The following MPP7 variants were observed in gnomAD, a reference collection of about 807,000 sequenced individuals.
MPP7 encodes the protein MAGUK p55 scaffold protein 7, also known as MAGUK p55 subfamily member 7.
MPP7 carries 60 observed loss-of-function variants against 76.5 expected under a neutral mutation model. That is an observed-to-expected ratio of 0.78 (90% CI 0.64 to 0.97). The LOEUF (loss-of-function observed/expected upper bound fraction) is 0.97, where lower values mean the gene tolerates loss of function less well. MPP7 is among the 50% of genes least tolerant of loss of function. The probability of loss-of-function intolerance (pLI) is 0.00; values close to 1 mark genes in which losing one functional copy is unlikely to be tolerated. For missense variants in MPP7, 641 were observed against 694.0 expected, an observed-to-expected ratio of 0.92 and a Z score of 0.86; for synonymous variants, 237 against 244.5, an observed-to-expected ratio of 0.97 and a Z score of 0.29.
intron 15 of MPP7, chr10:28,057,979 G>T: frequency 4.0e-6 from 3 of 755,974 alleles, no homozygotes; most frequent in Non-Finnish European, 5.3e-6. Context: ...CAGGATGACA[G>T]GTGCAGACAT....
chr10:28,071,353 T>C (rs926935593), intron 12 of MPP7, among the ~76,000 whole-genome samples: 2 of 152,166 alleles, frequency 1.3e-5, no homozygotes, highest in African/African-American at 4.8e-5. Context: ...TTGGGGACTG[T>C]GCTGTTCTTG....
At chr10:28,155,609 A>AAAAAAAAAAAAG in intron 3 of MPP7, among the ~76,000 whole-genome samples, 1 of 137,138 alleles carries the variant, frequency 7.3e-6, no homozygotes, top group Admixed American at 7.6e-5. Flanking sequence ...AAAAAAAAAA[A>AAAAAAAAAAAAG]GAAAGAAAAA....
intron 3 of MPP7, among the ~76,000 whole-genome samples, chr10:28,163,808 C>T (rs1210879696): frequency 7.3e-5 from 11 of 150,082 alleles, no homozygotes; most frequent in African/African-American, 2.5e-4. Flanking sequence ...ATTAGCCGGG[C>T]GTGATGGCAG....
chr10:28,180,137 T>C (rs1837013707), intron 3 of MPP7, among the ~76,000 whole-genome samples: 1 of 152,218 alleles, frequency 6.6e-6, no homozygotes. Flanking sequence ...TTGATATTGA[T>C]AGCCCTCGCT....
intron 3 of MPP7, among the ~76,000 whole-genome samples, chr10:28,187,587 A>T (rs4568902): frequency 6.6e-6 from 1 of 151,974 alleles, no homozygotes; most frequent in Non-Finnish European, 1.5e-5. Context: ...AACCTCCCCA[A>T]TGGGTTTACT....
At chr10:28,290,286 C>CTT (rs57836658) in intron 1 of MPP7, among the ~76,000 whole-genome samples, 1,501 of 131,806 alleles carry the variant, frequency 0.011, 30 homozygotes, top group African/African-American at 0.039. Flanking sequence ...TTTTACTTTC[C>CTT]TTTTTTTTTT....
rs150429480 is a variant in MPP7, at chr10:28,310,312, T to C, written c.-132+19617A>G. Among the ~76,000 whole-genome samples the C allele has an allele frequency of 1.4e-4, 21 of 152,280 alleles. No homozygotes were observed. The East Asian group carries it at 3.9e-3, about 28-fold the overall frequency. On this transcript the variant is annotated intron_variant, in intron 2 of 11. Transcript: ENST00000441595. Reference sequence around the variant, plus strand: ...CCACTGTGCCTGACTCTTTTCTTTATAAATGATCCAGTCTCAGGTATTCCT... The same window carrying C: ...CCACTGTGCCTGACTCTTTTCTTTACAAATGATCCAGTCTCAGGTATTCCT...
intron 1 of MPP7, among the ~76,000 whole-genome samples, chr10:28,266,683 C>T (rs1840160014): frequency 6.6e-6 from 1 of 152,242 alleles, no homozygotes; most frequent in Non-Finnish European, 1.5e-5. Flanking sequence ...TAATCACTTT[C>T]TTAAAACCTT....
rs535283823 is a variant in MPP7 at position 28,275,438 on chromosome 10, G to A, written c.-132+27423C>T. On this transcript the variant is annotated intron_variant, in intron 1 of 16. Transcript: ENST00000683449. ...TTTTTTTTTTTTCATACAGAGTCTC[G>A]CTCTGTCACCCAGGCTGGAGTGCAA... is the stretch of plus-strand genomic sequence containing the variant. Among the ~76,000 whole-genome samples the A allele has an allele frequency of 4.7e-3, 677 of 144,408 alleles. 5 individuals are homozygous for A. The highest frequency in any genetic ancestry group is 0.016 in the African/African-American group (611 of 38,388). The allele number at this position is 144,408 out of a possible 152,430, so 94.7% of individuals were successfully genotyped here.
intron 1 of MPP7, among the ~76,000 whole-genome samples, chr10:28,256,187 G>C (rs534593651): frequency 2.0e-5 from 3 of 152,124 alleles, no homozygotes; most frequent in Non-Finnish European, 4.4e-5. Context: ...GGCTCAAATG[G>C]CAGAGAGAAA....
At chr10:28,116,509 A>G (rs1239169714) in intron 11 of MPP7, among the ~76,000 whole-genome samples, 1 of 152,154 alleles carries the variant, frequency 6.6e-6, no homozygotes, top group Non-Finnish European at 1.5e-5. Flanking sequence ...AGCTGGTCAT[A>G]TAAAAGAAAA....
chr10:28,245,868 T>A (rs1839417064), intron 1 of MPP7, among the ~76,000 whole-genome samples: 1 of 148,728 alleles, frequency 6.7e-6, no homozygotes. Flanking sequence ...CAAGAGGGGC[T>A]CAACAGCAGA....
intron 2 of MPP7, among the ~76,000 whole-genome samples, chr10:28,321,141 C>T (rs926748763): frequency 6.6e-6 from 1 of 152,098 alleles, no homozygotes; most frequent in Non-Finnish European, 1.5e-5. Flanking sequence ...GAAAGAAAAG[C>T]TGACATCTCA....
chr10:28,069,973 G>C lies in MPP7; in HGVS notation c.1124-121C>G, dbSNP rs1299064832. 8.9e-6 allele frequency: 6 copies of C among 674,488 alleles called. No homozygotes were observed. The Admixed American group carries it at 1.2e-4, about 14-fold the overall frequency. 41.8% of individuals were successfully genotyped at this position (674,488 alleles called of 1,614,324 possible). ...GATCCAGCTTTGCATCCTAAGTAAA[G>C]AGATTATTTTCTGTTAACTTGAACT... On this transcript the variant is annotated intron_variant, in intron 12 of 16. Transcript: ENST00000683449.
At chr10:28,127,138 A>G (rs1564645875) in intron 6 of MPP7, among the ~76,000 whole-genome samples, 1 of 152,194 alleles carries the variant, frequency 6.6e-6, no homozygotes, top group Non-Finnish European at 1.5e-5. Flanking sequence ...CTCTCTCTGT[A>G]CTATGGACTG....
At chr10:28,177,537 A>C (rs576430891) in intron 3 of MPP7, among the ~76,000 whole-genome samples, 30 of 152,334 alleles carry the variant, frequency 2.0e-4, no homozygotes, top group Admixed American at 6.5e-5. Context: ...AGAATTGATA[A>C]GGAAAAATTG....
chr10:28,135,961 A>T (rs1476088454), intron 5 of MPP7, among the ~76,000 whole-genome samples: 1 of 152,122 alleles, frequency 6.6e-6, no homozygotes. Context: ...AGCTTCATCT[A>T]TATTTATAGC....
At chr10:28,092,576 C>CATTTT (rs1564626626) in intron 11 of MPP7, among the ~76,000 whole-genome samples, 1 of 101,604 alleles carries the variant, frequency 9.8e-6, no homozygotes, top group African/African-American at 4.5e-5. Flanking sequence ...AGAAAAGGGA[C>CATTTT]CTTTTTTTTT....
intron 1 of MPP7, among the ~76,000 whole-genome samples, chr10:28,262,798 G>A (rs865837883): frequency 6.6e-6 from 1 of 152,150 alleles, no homozygotes; most frequent in African/African-American, 2.4e-5. Flanking sequence ...GCTCACGCCT[G>A]TAATCCCAGC....
Sources: allele counts gnomAD v4.1 joint callset (sites outside exome capture counted in the v4.1 genomes callset), GRCh38; gene constraint gnomAD v4.1.1; transcripts MANE v1.5; gene names NCBI Gene and HGNC (gene_info 2026-07-23, HGNC 2026-07-21).